The following ZNF568 variants were observed in gnomAD, a reference collection of about 807,000 sequenced individuals.
ZNF568 encodes the protein p53 inhibitor of SCO2 activation.
In ZNF568, 11 loss-of-function variants were observed where a neutral mutation model predicts 18.1. That is an observed-to-expected ratio of 0.61 (90% confidence interval 0.38 to 1.00). ZNF568 has a LOEUF of 1.00. Ranked by LOEUF, ZNF568 falls within the 50% of genes least tolerant of loss-of-function variation. The pLI is 0.01. For missense variants in ZNF568, 639 were observed against 768.2 expected (o/e 0.83, Z 1.99); for synonymous variants, 213 against 246.6 (o/e 0.86, Z 1.28).
At chr19:36,989,448 G>A (rs934119062) in intron 2 of ZNF568, among the ~76,000 whole-genome samples, 1 of 152,222 alleles carries the variant, frequency 6.6e-6, no homozygotes, top group Non-Finnish European at 1.5e-5. Context: ...CTCTCAAAGT[G>A]CTGGGATTTA....
intron 4 of ZNF568, among the ~76,000 whole-genome samples, chr19:36,930,696 T>C (rs1355517013): frequency 6.6e-6 from 1 of 152,180 alleles, no homozygotes; most frequent in African/African-American, 2.4e-5. Context: ...TTGATTATTG[T>C]GTCAAGCTCT....
At chr19:36,994,223 C>T (rs2074450168) in intron 4 of ZNF568, among the ~76,000 whole-genome samples, 1 of 152,018 alleles carries the variant, frequency 6.6e-6, no homozygotes, top group Non-Finnish European at 1.5e-5. Flanking sequence ...TCCCAGATTT[C>T]CTTCTGCTGT....
Position 36,950,690 on chromosome 19 carries a change from C to A in ZNF568, c.1537C>A (p.Gln513Lys), listed in dbSNP as rs1237563382. Residue 513 changes from glutamine (Q) to lysine (K), a missense_variant, in exon 7 of 7, where the codon CAG (glutamine) becomes AAG (lysine). Gln to Lys is a moderately conservative substitution (Grantham distance 53). Coordinates refer to ENST00000333987, the MANE Select transcript of ZNF568 (RefSeq NM_198539.4). The part of the protein sequence containing the change: ...ACTVCGKAFS[Q>K]KSNLTEHEKI... The stretch of plus-strand genomic sequence containing the variant: ...TACAGTATGTGGAAAAGCCTTTAGT[C>A]AGAAATCAAACCTCACTGAACATGA... 2 of 1,613,664 alleles carry A rather than the reference C, an allele frequency of 1.2e-6. No homozygotes were observed. Among genetic ancestry groups the A allele is most frequent in the Non-Finnish European group, 1.7e-6 (2 of 1,179,942 alleles).
intron 6 of ZNF568, among the ~76,000 whole-genome samples, chr19:36,938,604 T>C (rs1041807741): frequency 3.9e-5 from 6 of 152,168 alleles, no homozygotes; most frequent in African/African-American, 1.4e-4. Flanking sequence ...TGGGAAAATA[T>C]CTTTTTAACC....
downstream of ZNF568, among the ~76,000 whole-genome samples, chr19:36,955,537 G>A (rs899340576): frequency 6.6e-6 from 1 of 151,990 alleles, no homozygotes; most frequent in Non-Finnish European, 1.5e-5. Flanking sequence ...CTGTCCTAAG[G>A]GGTAGAAATA....
exon 5 of ZNF568, chr19:36,996,787 C>A: frequency 3.9e-6 from 6 of 1,552,964 alleles, no homozygotes; most frequent in Non-Finnish European, 5.2e-6. Flanking sequence ...TGGAGAGAAA[C>A]CTCATAAATG....
intron 4 of ZNF568, among the ~76,000 whole-genome samples, chr19:36,934,305 T>A: frequency 1.2e-5 from 1 of 81,708 alleles, no homozygotes; most frequent in Admixed American, 1.4e-4. Context: ...TTCTAGTATC[T>A]TTTTTTTTTT....
intron 6 of ZNF568, among the ~76,000 whole-genome samples, chr19:36,942,962 G>A (rs2073908608): frequency 6.6e-6 from 1 of 152,120 alleles, no homozygotes; most frequent in Non-Finnish European, 1.5e-5. Flanking sequence ...CACATTCTTA[G>A]TTCACAGACT....
At chr19:36,973,079 A>G (rs2074249618) in intron 6 of ZNF568, 1 of 152,730 alleles carries the variant, frequency 6.5e-6, no homozygotes, top group Non-Finnish European at 1.5e-5. Context: ...GGAACTGGAC[A>G]TGACTGTGAG....
chr19:36,982,040 C>T (rs963077601), downstream of ZNF568, among the ~76,000 whole-genome samples: 7 of 151,724 alleles, frequency 4.6e-5, no homozygotes, highest in African/African-American at 7.3e-5. Flanking sequence ...TTTATTCTGA[C>T]GTCTTGTAGA....
chr19:36,921,448 C>G (rs1226540298), intron 2 of ZNF568, among the ~76,000 whole-genome samples: 3 of 148,610 alleles, frequency 2.0e-5, no homozygotes, highest in Non-Finnish European at 3.0e-5. Flanking sequence ...GCAACAAGAG[C>G]GAAACTCCAT....
At chr19:36,943,694 C>T (rs1424925275) in intron 6 of ZNF568, among the ~76,000 whole-genome samples, 1 of 152,094 alleles carries the variant, frequency 6.6e-6, no homozygotes, top group South Asian at 2.1e-4. Flanking sequence ...CGTGCCTCCA[C>T]CTCCCGAGTA....
intron 1 of ZNF568, among the ~76,000 whole-genome samples, chr19:36,917,290 C>T (rs1013980405): frequency 1.3e-5 from 2 of 152,134 alleles, no homozygotes; most frequent in African/African-American, 4.8e-5. Context: ...GTCACCAGAG[C>T]GCAAGAGAGA....
At chr19:36,997,133 G>C (rs750894001) in exon 5 of ZNF568, 1 of 1,574,508 alleles carries the variant, frequency 6.4e-7, no homozygotes, top group South Asian at 1.1e-5. Flanking sequence ...CGCTATGAAT[G>C]CAGGGAGTGT....
rs375234091 is a variant in ZNF568, at chr19:36,937,141, T to C, written c.263-6T>C. On this transcript the variant is annotated splice_polypyrimidine_tract_variant and splice_region_variant and intron_variant, in intron 5 of 6. Transcript: ENST00000333987. ...CATCCACATCCTTTGCTATTTCTTG[T>C]AATAGGCTGTCAAGTCACCAAACCG... 82 of 1,613,164 alleles carry C rather than the reference T, an allele frequency of 5.1e-5. No homozygotes were observed. The highest frequency in any genetic ancestry group is 6.1e-5 in the Non-Finnish European group (72 of 1,179,446).
intron 6 of ZNF568, among the ~76,000 whole-genome samples, chr19:36,964,304 C>T (rs1291593284): frequency 1.3e-5 from 2 of 151,998 alleles, no homozygotes; most frequent in Admixed American, 1.3e-4. Flanking sequence ...GTCACATAAA[C>T]ATTTGTTAGA....
At chr19:36,991,718 C>A (rs2074425666) in intron 3 of ZNF568, 1 of 1,512,080 alleles carries the variant, frequency 6.6e-7, no homozygotes, top group Non-Finnish European at 8.8e-7. Context: ...CTGACACCCA[C>A]AACAAAACCT....
intron 4 of ZNF568, among the ~76,000 whole-genome samples, chr19:36,927,895 ATATATATATTTTTTTTTTTTT>A (rs2073603176): frequency 7.8e-5 from 2 of 25,772 alleles, no homozygotes; most frequent in African/African-American, 4.8e-4. Context: ...TATTATATAT[ATATATATATTTTTTTTTTTTT>A]TTTTTTTTTT....
intron 6 of ZNF568, among the ~76,000 whole-genome samples, chr19:36,962,277 G>GTTTTTTTTTTTTT (rs71177418): frequency 2.2e-5 from 1 of 45,266 alleles, no homozygotes; most frequent in African/African-American, 8.4e-5. Context: ...GTGTTGCAGT[G>GTTTTTTTTTTTTT]TTTTTTTTTT....
Sources: gnomAD v4.1 joint callset for allele counts (sites outside exome capture counted in the v4.1 genomes callset) on GRCh38, gnomAD v4.1.1 for gene constraint, MANE v1.5 for transcripts, NCBI Gene and HGNC (gene_info 2026-07-23, HGNC 2026-07-21) for gene names.